The following RIGI variants were observed in gnomAD, a reference collection of about 807,000 sequenced individuals.
RIGI encodes antiviral innate immune response receptor RIG-I.
At chr9:32,500,145 G>A in the RIGI span, among the ~76,000 whole-genome samples, 91,682 of 151,998 alleles carry the variant, frequency 0.6, 27,974 homozygotes, top group Middle Eastern at 0.67. Flanking sequence ...AAATGCTAAC[G>A]TGTAGAAAGA....
the RIGI span, among the ~76,000 whole-genome samples, chr9:32,483,696 G>C: frequency 1.4e-3 from 1 of 720 alleles, no homozygotes; most frequent in Non-Finnish European, 0.013. Flanking sequence ...AAAGCCTTTA[G>C]TGGTCCTGCA....
the RIGI span, among the ~76,000 whole-genome samples, chr9:32,504,503 C>A: frequency 6.6e-6 from 1 of 151,732 alleles, no homozygotes. Context: ...CATGGTGAAA[C>A]CCTGTCTCTA....
At chr9:32,486,677 G>T in the RIGI span, among the ~76,000 whole-genome samples, 3 of 152,050 alleles carry the variant, frequency 2.0e-5, no homozygotes, top group Admixed American at 2.0e-4. Context: ...AGGTGGGAGA[G>T]AGAAAGCACA....
chr9:32,500,916 C>T, the RIGI span: 3 of 1,613,964 alleles, frequency 1.9e-6, no homozygotes, highest in African/African-American at 2.7e-5. Context: ...TTGTTTTTCT[C>T]AGCCTGAATA....
At chr9:32,461,806 T>C in the RIGI span, among the ~76,000 whole-genome samples, 2 of 152,210 alleles carry the variant, frequency 1.3e-5, no homozygotes, top group African/African-American at 4.8e-5. Context: ...TTTATTTTTC[T>C]AGAAATATAG....
chr9:32,524,605 T>G, the RIGI span, among the ~76,000 whole-genome samples: 9 of 124,472 alleles, frequency 7.2e-5, no homozygotes, highest in African/African-American at 1.3e-4. Flanking sequence ...GGTTTTTTTT[T>G]TTTTTTTTTT....
chr9:32,521,899 T>G, the RIGI span, among the ~76,000 whole-genome samples: 3 of 152,208 alleles, frequency 2.0e-5, no homozygotes, highest in Admixed American at 6.5e-5. Flanking sequence ...CTAAGACTTT[T>G]GTCATTGCAA....
chr9:32,512,035 A>G, the RIGI span, among the ~76,000 whole-genome samples: 3 of 152,226 alleles, frequency 2.0e-5, no homozygotes, highest in Non-Finnish European at 4.4e-5. Context: ...ACCAGGAAGA[A>G]GTCAAATCCC....
chr9:32,487,950 G>A, the RIGI span: 6 of 1,613,866 alleles, frequency 3.7e-6, no homozygotes, highest in African/African-American at 6.7e-5. Context: ...GATACCTGGG[G>A]CAGTGGGCCT....
At chr9:32,459,323 T>G in the RIGI span, 3 of 1,593,924 alleles carry the variant, frequency 1.9e-6, no homozygotes, top group Non-Finnish European at 2.6e-6. Flanking sequence ...CAGTAAGCTG[T>G]AGCTAGTGCT....
the RIGI span, among the ~76,000 whole-genome samples, chr9:32,459,080 G>A: frequency 1.3e-5 from 2 of 151,414 alleles, no homozygotes; most frequent in Non-Finnish European, 2.9e-5. Flanking sequence ...GTAGAGACGG[G>A]GTTTCACCAT....
At chr9:32,505,752 T>C in the RIGI span, among the ~76,000 whole-genome samples, 5 of 152,216 alleles carry the variant, frequency 3.3e-5, no homozygotes. Flanking sequence ...CATCAACTTT[T>C]AGTGGCTGCA....
chr9:32,526,195 T>TC, the RIGI span: 134 of 1,579,416 alleles, frequency 8.5e-5, no homozygotes, highest in Admixed American at 1.9e-4. Context: ...CTAGCTACGT[T>TC]CCCCGCAGGC....
At chr9:32,469,064 G>C in the RIGI span, among the ~76,000 whole-genome samples, 1 of 152,150 alleles carries the variant, frequency 6.6e-6, no homozygotes, top group Non-Finnish European at 1.5e-5. Context: ...TAAGGTCATA[G>C]TGGAGGATTT....
At chr9:32,522,809 G>C in the RIGI span, among the ~76,000 whole-genome samples, 7 of 152,118 alleles carry the variant, frequency 4.6e-5, no homozygotes, top group African/African-American at 1.7e-4. Flanking sequence ...TCCAGGAATT[G>C]ATAAATAGAA....
the RIGI span, among the ~76,000 whole-genome samples, chr9:32,508,698 C>G: frequency 6.6e-6 from 1 of 152,012 alleles, no homozygotes; most frequent in Non-Finnish European, 1.5e-5. Context: ...ACTGAGCTAG[C>G]TGCAGTTTTT....
chr9:32,490,348 AAC>A, the RIGI span, among the ~76,000 whole-genome samples: 2 of 152,216 alleles, frequency 1.3e-5, no homozygotes, highest in African/African-American at 2.4e-5. Flanking sequence ...CAGCCTGAGC[AAC>A]AGAGCGAGAG....
the RIGI span, among the ~76,000 whole-genome samples, chr9:32,476,639 A>G: frequency 2.0e-5 from 3 of 151,688 alleles, no homozygotes; most frequent in Non-Finnish European, 4.4e-5. Flanking sequence ...CCGTAGAGAG[A>G]AAACGGCTTT....
chr9:32,503,064 T>C, the RIGI span, among the ~76,000 whole-genome samples: 1 of 152,196 alleles, frequency 6.6e-6, no homozygotes, highest in Non-Finnish European at 1.5e-5. Context: ...CTATCCCAGC[T>C]TCCCTGGACC....
Sources: allele counts gnomAD v4.1 joint callset (sites outside exome capture counted in the v4.1 genomes callset), GRCh38; gene constraint gnomAD v4.1.1; transcripts MANE v1.5; gene names NCBI Gene and HGNC (gene_info 2026-07-23, HGNC 2026-07-21).